PTPRD: variants seen among roughly 807,000 people sequenced by gnomAD.
PTPRD encodes protein tyrosine phosphatase receptor type D.
A neutral mutation model predicts 214.5 loss-of-function variants in PTPRD; 34 were observed. The observed-to-expected ratio is 0.16, with a 90% CI of 0.12 to 0.21. The LOEUF (loss-of-function observed/expected upper bound fraction) is 0.21, where lower values mean the gene tolerates loss of function less well. Ranked by LOEUF, PTPRD falls within the 10% of genes least tolerant of loss-of-function variation. PTPRD has a pLI of 1.00. For missense variants in PTPRD, 2,545 were observed against 2,398.7 expected, an observed-to-expected ratio of 1.06 and a Z score of -1.27; for synonymous variants, 1,128 against 845.7, an observed-to-expected ratio of 1.33 and a Z score of -5.79.
intron 21 of PTPRD, among the ~76,000 whole-genome samples, chr9:8,514,578 T>C (rs1337175985): frequency 6.6e-6 from 1 of 151,592 alleles, no homozygotes; most frequent in Admixed American, 6.6e-5. Flanking sequence ...TGCACTGGAA[T>C]AATCTAATAG....
At chr9:8,529,213 G>T (rs776723949) in intron 14 of PTPRD, among the ~76,000 whole-genome samples, 2 of 152,074 alleles carry the variant, frequency 1.3e-5, no homozygotes, top group African/African-American at 4.8e-5. Context: ...AGGTAGGAAA[G>T]GTTTTGCCGA....
chr9:10,082,178 T>C (rs1567561339), intron 3 of PTPRD, among the ~76,000 whole-genome samples: 1 of 152,128 alleles, frequency 6.6e-6, no homozygotes, highest in Non-Finnish European at 1.5e-5. Flanking sequence ...AAATCTACTT[T>C]CCTGGAATCA....
At chr9:9,983,833 C>T (rs998419897) in intron 4 of PTPRD, among the ~76,000 whole-genome samples, 1 of 152,152 alleles carries the variant, frequency 6.6e-6, no homozygotes, top group Non-Finnish European at 1.5e-5. Context: ...ATTGGAGTAA[C>T]AACTCTAATC....
At chr9:8,626,256 T>C (rs983159424) in intron 14 of PTPRD, among the ~76,000 whole-genome samples, 1 of 151,874 alleles carries the variant, frequency 6.6e-6, no homozygotes, top group Non-Finnish European at 1.5e-5. Context: ...TGAATGACTG[T>C]TTGATAGATT....
chr9:9,678,953 T>C (rs996790744), intron 7 of PTPRD, among the ~76,000 whole-genome samples: 2 of 151,808 alleles, frequency 1.3e-5, no homozygotes, highest in Non-Finnish European at 2.9e-5. Context: ...TGGGAAAATA[T>C]TTTAAAAAAT....
At chr9:9,127,317 A>C (rs988332409) in intron 10 of PTPRD, among the ~76,000 whole-genome samples, 1 of 152,328 alleles carries the variant, frequency 6.6e-6, no homozygotes, top group Admixed American at 6.5e-5. Context: ...ACAACGTTGA[A>C]CAAAATGACA....
intron 3 of PTPRD, among the ~76,000 whole-genome samples, chr9:10,181,742 G>A (rs2099290207): frequency 1.3e-5 from 2 of 150,652 alleles, no homozygotes; most frequent in Non-Finnish European, 3.0e-5. Flanking sequence ...GTTAGTAAAT[G>A]GTGTTTGAAA....
chr9:10,571,216 A>G (rs1250439443), intron 2 of PTPRD, among the ~76,000 whole-genome samples: 1 of 152,286 alleles, frequency 6.6e-6, no homozygotes, highest in African/African-American at 2.4e-5. Flanking sequence ...TGAAAACACT[A>G]TCAGATCATA....
At chr9:9,851,196 A>G (rs1034992684) in intron 5 of PTPRD, among the ~76,000 whole-genome samples, 3 of 152,216 alleles carry the variant, frequency 2.0e-5, no homozygotes, top group Non-Finnish European at 4.4e-5. Flanking sequence ...TAGAAATAAT[A>G]TAAGCAAAAG....
chr9:8,536,912 C>T (rs1324004557), intron 14 of PTPRD, among the ~76,000 whole-genome samples: 2 of 151,914 alleles, frequency 1.3e-5, no homozygotes, highest in Non-Finnish European at 2.9e-5. Flanking sequence ...GCTACTTTGT[C>T]GAACAATGAG....
At chr9:9,711,713 G>A (rs915330497) in intron 7 of PTPRD, among the ~76,000 whole-genome samples, 3 of 152,114 alleles carry the variant, frequency 2.0e-5, no homozygotes, top group African/African-American at 7.2e-5. Flanking sequence ...CATGTAGCGG[G>A]GAGAAACTAG....
chr9:8,704,225 G>A (rs1281110926), intron 12 of PTPRD, among the ~76,000 whole-genome samples: 4 of 151,916 alleles, frequency 2.6e-5, no homozygotes, highest in Admixed American at 2.0e-4. Context: ...CGTTGTGCAG[G>A]GTTGGCTGCC....
chr9:10,399,078 T>C (rs1025333118), intron 2 of PTPRD, among the ~76,000 whole-genome samples: 3 of 151,956 alleles, frequency 2.0e-5, no homozygotes, highest in Non-Finnish European at 4.4e-5. Flanking sequence ...TTGAGAGTGG[T>C]TGGCTCCTGC....
intron 3 of PTPRD, among the ~76,000 whole-genome samples, chr9:10,106,910 C>T (rs568336146): frequency 3.3e-5 from 5 of 151,624 alleles, no homozygotes; most frequent in South Asian, 4.2e-4. Context: ...GGAATTGATG[C>T]CATAAGGGGA....
chr9:8,849,489 G>A (rs2097771625), intron 11 of PTPRD, among the ~76,000 whole-genome samples: 1 of 152,182 alleles, frequency 6.6e-6, no homozygotes, highest in Non-Finnish European at 1.5e-5. Context: ...GCCTCCCAAA[G>A]TGCTGGGATT....
intron 5 of PTPRD, among the ~76,000 whole-genome samples, chr9:9,901,091 C>G (rs906513133): frequency 2.0e-5 from 3 of 152,152 alleles, no homozygotes; most frequent in Non-Finnish European, 2.9e-5. Context: ...CTTCAGAAAG[C>G]TTACAGTCAT....
At chr9:9,632,331 G>A (rs932428814) in intron 7 of PTPRD, among the ~76,000 whole-genome samples, 1 of 151,782 alleles carries the variant, frequency 6.6e-6, no homozygotes, top group Non-Finnish European at 1.5e-5. Flanking sequence ...TCATGTAAAT[G>A]TTTCCATTTA....
At chr9:8,525,565 C>A (rs2073885327) in intron 17 of PTPRD, among the ~76,000 whole-genome samples, 1 of 152,080 alleles carries the variant, frequency 6.6e-6, no homozygotes, top group Non-Finnish European at 1.5e-5. Context: ...ATCAAAATAT[C>A]ACTTAAAGAA....
At chr9:9,216,179 T>TA (rs2099952068) in intron 9 of PTPRD, among the ~76,000 whole-genome samples, 1 of 152,166 alleles carries the variant, frequency 6.6e-6, no homozygotes, top group South Asian at 2.1e-4. Context: ...CACAGAGCTG[T>TA]AAAAATTGCA....
Sources: gnomAD v4.1 joint callset for allele counts (sites outside exome capture counted in the v4.1 genomes callset) on GRCh38, gnomAD v4.1.1 for gene constraint, MANE v1.5 for transcripts, NCBI Gene and HGNC (gene_info 2026-07-23, HGNC 2026-07-21) for gene names.